The following GRIN2A variants were observed in gnomAD, a reference collection of about 807,000 sequenced individuals.
GRIN2A encodes glutamate receptor ionotropic, NMDA 2A.
GRIN2A carries 22 observed loss-of-function variants against 113.4 expected under a neutral mutation model. That is an observed-to-expected ratio of 0.19 (90% CI 0.14 to 0.28). The LOEUF (loss-of-function observed/expected upper bound fraction) is 0.28. Among genes scored for constraint, GRIN2A ranks in the 10% least tolerant of loss-of-function variants. GRIN2A has a pLI of 1.00. For synonymous variants in GRIN2A, 827 were observed against 738.4 expected (o/e 1.12, Z -1.94); for missense variants, 1,502 against 1,887.0 (o/e 0.80, Z 3.78).
intron 2 of GRIN2A, among the ~76,000 whole-genome samples, chr16:10,104,870 G>T (rs927095337): frequency 8.5e-5 from 13 of 152,120 alleles, no homozygotes; most frequent in Non-Finnish European, 1.9e-4. Flanking sequence ...CAGAGTGTAG[G>T]AGGAAGATTG....
intron 2 of GRIN2A, among the ~76,000 whole-genome samples, chr16:9,968,329 T>G (rs2141727391): frequency 6.6e-6 from 1 of 152,344 alleles, no homozygotes; most frequent in South Asian, 2.1e-4. Context: ...TGTATGTATT[T>G]AGAGATGGAG....
intron 2 of GRIN2A, among the ~76,000 whole-genome samples, chr16:10,079,107 A>C (rs1001393233): frequency 1.3e-5 from 2 of 152,176 alleles, no homozygotes; most frequent in African/African-American, 2.4e-5. Context: ...TACCACACTC[A>C]CTGAGGACTC....
At chr16:10,049,439 G>A (rs1394633050) in intron 2 of GRIN2A, among the ~76,000 whole-genome samples, 1 of 151,600 alleles carries the variant, frequency 6.6e-6, no homozygotes, top group African/African-American at 2.4e-5. Flanking sequence ...GTGCAGTGGT[G>A]CGATCTCGGC....
At position 10,180,573 on chromosome 16, in the gene GRIN2A, G is replaced by A; in HGVS notation, c.-18-144C>T. On this transcript the variant is annotated intron_variant, in intron 1 of 12. Transcript: ENST00000330684. The surrounding 1 kb of genome is among the most constrained non-coding windows in gnomAD (Gnocchi z 7.0). ...GCTGGGATCACGGACTCCATTCCGA[G>A]TCCCCGACGCCATCCACATCCCTCG... 1 of 1,430,864 alleles carries A rather than the reference G, an allele frequency of 7.0e-7. No homozygotes were observed. Among genetic ancestry groups the A allele is most frequent in the Non-Finnish European group, 9.3e-7 (1 of 1,077,204 alleles). 88.6% of individuals were successfully genotyped at this position (1,430,864 alleles called of 1,614,324 possible). A position where few individuals can be genotyped will look rare whatever the true frequency, so the allele number is the denominator to read the frequency against.
intron 2 of GRIN2A, among the ~76,000 whole-genome samples, chr16:10,106,515 C>T (rs1468964517): frequency 6.6e-6 from 1 of 151,960 alleles, no homozygotes; most frequent in Admixed American, 6.6e-5. Context: ...TGAGGTTGTT[C>T]ACAGCATCCT....
At chr16:9,873,383 T>G (rs1347082366) in intron 4 of GRIN2A, among the ~76,000 whole-genome samples, 2 of 152,180 alleles carry the variant, frequency 1.3e-5, no homozygotes. Context: ...GCTGTATTGA[T>G]TCAAGTCACC....
intron 2 of GRIN2A, among the ~76,000 whole-genome samples, chr16:10,047,362 A>G (rs2047280087): frequency 6.6e-6 from 1 of 152,214 alleles, no homozygotes; most frequent in Non-Finnish European, 1.5e-5. Flanking sequence ...TCTCTAGATC[A>G]TTTTCAGAAT....
At chr16:10,010,014 A>G (rs560827788) in intron 2 of GRIN2A, among the ~76,000 whole-genome samples, 1 of 152,366 alleles carries the variant, frequency 6.6e-6, no homozygotes, top group South Asian at 2.1e-4. Flanking sequence ...ACCAAAGCAC[A>G]GTCCCCTCTA....
intron 2 of GRIN2A, among the ~76,000 whole-genome samples, chr16:10,029,871 C>T (rs1427212750): frequency 6.6e-6 from 1 of 152,074 alleles, no homozygotes; most frequent in East Asian, 1.9e-4. Flanking sequence ...GTGCTGCATG[C>T]CTGTAATCCC....
intron 2 of GRIN2A, among the ~76,000 whole-genome samples, chr16:9,940,961 G>T (rs2044860469): frequency 6.6e-6 from 1 of 152,324 alleles, no homozygotes; most frequent in South Asian, 2.1e-4. Flanking sequence ...CTCACACACT[G>T]TGAGACGCCT....
At chr16:10,160,174 T>C (rs1017110173) in intron 2 of GRIN2A, among the ~76,000 whole-genome samples, 1 of 152,220 alleles carries the variant, frequency 6.6e-6, no homozygotes. Context: ...ACTAATACAA[T>C]CCTGGACCTA....
chr16:10,008,442 CT>C (rs2046443929), intron 2 of GRIN2A, among the ~76,000 whole-genome samples: 2 of 152,198 alleles, frequency 1.3e-5, no homozygotes, highest in African/African-American at 4.8e-5. Flanking sequence ...TCCCCTACTG[CT>C]GTTGTTTTGT....
chr16:10,146,080 C>A (rs112485817), intron 2 of GRIN2A, among the ~76,000 whole-genome samples: 78 of 152,308 alleles, frequency 5.1e-4, no homozygotes, highest in African/African-American at 1.5e-3. Flanking sequence ...AAGACAGGAA[C>A]AAGATGGGAG....
intron 11 of GRIN2A, among the ~76,000 whole-genome samples, chr16:9,794,394 A>ATAAT (rs747334949): frequency 7.7e-4 from 118 of 152,364 alleles, no homozygotes; most frequent in Non-Finnish European, 1.4e-3. Flanking sequence ...TAGAGGATGA[A>ATAAT]TAATTAGGTA....
intron 2 of GRIN2A, among the ~76,000 whole-genome samples, chr16:10,096,119 C>A (rs1238661813): frequency 6.6e-6 from 1 of 152,166 alleles, no homozygotes; most frequent in African/African-American, 2.4e-5. Context: ...CCACCCCAGA[C>A]TAATAAAATC....
chr16:9,914,865 G>A (rs540158710), intron 3 of GRIN2A, among the ~76,000 whole-genome samples: 1 of 139,210 alleles, frequency 7.2e-6, no homozygotes, highest in East Asian at 2.2e-4. Context: ...GTGGGAAGGG[G>A]CATATGTTTC....
intron 2 of GRIN2A, among the ~76,000 whole-genome samples, chr16:10,061,693 G>A (rs34441169): frequency 0.024 from 3,625 of 152,290 alleles, 55 homozygotes; most frequent in Middle Eastern, 0.068. Flanking sequence ...TAGAAGGTTA[G>A]TAGTGGCAAA....
At chr16:10,154,634 A>G (rs866704814) in intron 2 of GRIN2A, among the ~76,000 whole-genome samples, 3 of 152,186 alleles carry the variant, frequency 2.0e-5, no homozygotes, top group Admixed American at 6.5e-5. Flanking sequence ...GTCCTCACTG[A>G]GGACAGCTGG....
chr16:10,093,544 G>A (rs17683084), intron 2 of GRIN2A, among the ~76,000 whole-genome samples: 32,315 of 151,836 alleles, frequency 0.21, 3,850 homozygotes, highest in East Asian at 0.43. Flanking sequence ...AGGTGGCATC[G>A]ATCAGCTTTA....
Sources: gnomAD v4.1 joint callset for allele counts (sites outside exome capture counted in the v4.1 genomes callset) on GRCh38, gnomAD v4.1.1 for gene constraint, Gnocchi (gnomAD v3.1) non-coding constraint, MANE v1.5 for transcripts, NCBI Gene and HGNC (gene_info 2026-07-23, HGNC 2026-07-21) for gene names.